Variants in ZMYND12 observed in about 807,000 individuals in gnomAD.
The protein encoded by ZMYND12 is zinc finger MYND domain-containing protein 12.
In ZMYND12, 32 loss-of-function variants were observed where a neutral mutation model predicts 41.7. That is an observed-to-expected ratio of 0.77 (90% CI 0.58 to 1.03). The LOEUF is 1.03. Among genes scored for constraint, ZMYND12 ranks in the 50% least tolerant of loss-of-function variants. The pLI is 0.00. For synonymous variants in ZMYND12, 148 were observed against 164.8 expected, an observed-to-expected ratio of 0.90 and a Z score of 0.78; for missense variants, 424 against 438.5, an observed-to-expected ratio of 0.97 and a Z score of 0.30.
intron 1 of ZMYND12, among the ~76,000 whole-genome samples, chr1:42,451,699 C>T (rs1233541019): frequency 6.6e-6 from 1 of 152,070 alleles, no homozygotes; most frequent in Non-Finnish European, 1.5e-5. Context: ...AAAGAAATGA[C>T]AGAAACCATT....
intron 3 of ZMYND12, among the ~76,000 whole-genome samples, chr1:42,447,065 G>A (rs1021761327): frequency 1.3e-5 from 2 of 152,146 alleles, no homozygotes; most frequent in Non-Finnish European, 2.9e-5. Context: ...ATTCGATGAG[G>A]AATGGGATAT....
intron 1 of ZMYND12, 63 bp from the exon 2 acceptor site, chr1:42,450,122 C>T (rs2148410262): frequency 6.3e-7 from 1 of 1,581,322 alleles, no homozygotes; most frequent in South Asian, 1.1e-5. Context: ...TTCCATTAAC[C>T]CTCCTACTGG....
At position 42,433,138 on chromosome 1, in the gene ZMYND12, C is replaced by T; in HGVS notation, c.975+5G>A. On this transcript the variant is annotated splice_donor_5th_base_variant and intron_variant, in intron 7 of 7. Transcript: ENST00000372565. ...TAGACGTGTTGCTTTTTTAGGGAAA[C>T]TTGCCTTTGAAGAATTCATCATCAG... The T allele has an allele frequency of 1.9e-6, 3 of 1,604,126 alleles. No homozygotes were observed. The highest frequency in any genetic ancestry group is 2.5e-6 in the Non-Finnish European group (3 of 1,177,094).
At chr1:42,450,611 A>G (rs1643073171) in intron 1 of ZMYND12, among the ~76,000 whole-genome samples, 1 of 152,176 alleles carries the variant, frequency 6.6e-6, no homozygotes, top group South Asian at 2.1e-4. Flanking sequence ...AAAGGAGTTT[A>G]TAAATATGTT....
At chr1:42,432,463 G>A (rs57873999) in intron 7 of ZMYND12, among the ~76,000 whole-genome samples, 4,486 of 152,212 alleles carry the variant, frequency 0.029, 180 homozygotes, top group African/African-American at 0.099. Flanking sequence ...GATAGGAAAC[G>A]TATGGATCAC....
At chr1:42,435,434 G>A (rs769292462) in intron 5 of ZMYND12, 49 bp from the exon 6 acceptor site, 83 of 1,424,706 alleles carry the variant, frequency 5.8e-5, no homozygotes, top group Non-Finnish European at 7.8e-5. Context: ...GACCTCAGCC[G>A]TCGGACCAGG....
chr1:42,435,706 A>T (rs1450371768), intron 5 of ZMYND12, among the ~76,000 whole-genome samples: 1 of 152,200 alleles, frequency 6.6e-6, no homozygotes, highest in Non-Finnish European at 1.5e-5. Context: ...TAATATTCTT[A>T]TTATTCCCAT....
At chr1:42,453,458 C>T (rs1350175751) in intron 1 of ZMYND12, among the ~76,000 whole-genome samples, 1 of 152,158 alleles carries the variant, frequency 6.6e-6, no homozygotes, top group Admixed American at 6.5e-5. Flanking sequence ...AGTTAGCATA[C>T]TTGACAGTCC....
In ZMYND12 at chr1:42,448,508, T is replaced by C. The variant is rs368351494; in HGVS notation, c.383A>G (p.Glu128Gly). 1.2e-6 allele frequency: 2 copies of C among 1,610,200 alleles called. No individual in the cohort carries two copies. The highest frequency in any genetic ancestry group is 1.1e-5 in the South Asian group (1 of 90,518). ...RVKLYGLSSV[E>G]LVPAYLLLAE... ...CAACAGCAGGTAAGCAGGCACAAGCTCTACGGAGCTCAGGCCATACAGCTT... is the reference window on the plus strand; with the variant it reads ...CAACAGCAGGTAAGCAGGCACAAGCCCTACGGAGCTCAGGCCATACAGCTT... The change falls in exon 3 of 8, where the codon GAG (glutamate) becomes GGG (glycine). Residue 128 changes from glutamate (E) to glycine (G), a missense_variant. By Grantham distance (98) the Glu-to-Gly change is moderately conservative (BLOSUM62 -2). Transcript: ENST00000372565.
chr1:42,435,327 T>C lies in ZMYND12; in HGVS notation c.776A>G (p.His259Arg). ...NNHYQVLSQA[H>R]IQQMDLLGKL... is the part of the protein sequence containing the mutation. ...GCCCAGTAAATCCATTTGTTGGATG[T>C]GAGCCTGTGAGAGGACTTGATAGTG... The change falls in exon 6 of 8, where the codon CAC becomes CGC. Residue 259 changes from histidine (H) to arginine (R), a missense_variant. Coordinates refer to ENST00000372565, the MANE Select transcript of ZMYND12 (RefSeq NM_032257.5). The C allele has an allele frequency of 6.2e-7, 1 of 1,614,124 alleles. No individual in the cohort carries two copies. The highest frequency in any genetic ancestry group is 8.5e-7 in the Non-Finnish European group (1 of 1,179,974).
At chr1:42,444,003 C>T (rs942400359) in intron 3 of ZMYND12, among the ~76,000 whole-genome samples, 1 of 152,182 alleles carries the variant, frequency 6.6e-6, no homozygotes, top group Non-Finnish European at 1.5e-5. Context: ...GCTGGGACTA[C>T]TATAAGTGCA....
chr1:42,432,347 A>G (rs926607640), intron 7 of ZMYND12, among the ~76,000 whole-genome samples: 2 of 152,060 alleles, frequency 1.3e-5, no homozygotes, highest in African/African-American at 4.8e-5. Flanking sequence ...CAGTCATGAG[A>G]CACTGTGCCT....
At chr1:42,450,342 C>T (rs1314256809) in intron 1 of ZMYND12, among the ~76,000 whole-genome samples, 1 of 152,184 alleles carries the variant, frequency 6.6e-6, no homozygotes, top group Non-Finnish European at 1.5e-5. Flanking sequence ...ATAGTGTTCT[C>T]TTATAATCTC....
chr1:42,435,372 C>T lies in ZMYND12; in HGVS notation c.731G>A (p.Trp244Ter). Residue 244 changes from tryptophan (W) to a stop codon, truncating the protein, a stop_gained, in exon 6 of 8, where the codon TGG (tryptophan) becomes TAG (stop). Transcript: ENST00000372565. LOFTEE classifies it high-confidence loss of function. ...ATAGTGATTGTTCAAATATGCATGC[C>T]AGATCTCAGAGACCTGTTGGGAAAA... ...DTLYTKVSEI[W>*]HAYLNNHYQV... is the part of the protein sequence containing the mutation. 6.2e-7 allele frequency: 1 copy of T among 1,613,112 alleles called. No homozygotes were observed. The highest frequency in any genetic ancestry group is 8.5e-7 in the Non-Finnish European group (1 of 1,179,186).
At chr1:42,437,683 T>A (rs1321928078) in intron 4 of ZMYND12, among the ~76,000 whole-genome samples, 1 of 147,778 alleles carries the variant, frequency 6.8e-6, no homozygotes, top group Admixed American at 6.7e-5. Context: ...TGGCTAATTT[T>A]CATATTTTTT....
At chr1:42,433,021 T>C in intron 7 of ZMYND12, 122 bp downstream of exon 7, 1 of 1,258,906 alleles carries the variant, frequency 7.9e-7, no homozygotes, top group Non-Finnish European at 1.1e-6. Context: ...CTGAACCTCT[T>C]TGGAGTGAGG....
At chr1:42,444,901 G>C (rs1346832179) in intron 3 of ZMYND12, among the ~76,000 whole-genome samples, 1 of 146,144 alleles carries the variant, frequency 6.8e-6, no homozygotes, top group African/African-American at 2.5e-5. Flanking sequence ...TCCGCCCCCC[G>C]GGTTCATGCC....
At chr1:42,433,362 G>C in intron 6 of ZMYND12, 74 bp from the exon 7 acceptor site, 1 of 1,489,036 alleles carries the variant, frequency 6.7e-7, no homozygotes, top group Non-Finnish European at 8.9e-7. Flanking sequence ...GCACTCAGCT[G>C]TTAAAGCGCC....
At position 42,433,079 on chromosome 1, in the gene ZMYND12, T is replaced by A. The variant is rs771829551; in HGVS notation, c.975+64A>T. 5.3e-5 allele frequency: 84 copies of A among 1,594,966 alleles called. 1 individual carries two copies. The highest frequency in any genetic ancestry group is 7.0e-5 in the Non-Finnish European group (82 of 1,173,100). Reference sequence around the variant, plus strand: ...ATTGGAATTGGGCAAAACACAAATTTTGAGTTCAACTAGTTGAATTTCTAC... The same window carrying A: ...ATTGGAATTGGGCAAAACACAAATTATGAGTTCAACTAGTTGAATTTCTAC... On this transcript the variant is annotated intron_variant, in intron 7 of 7. Coordinates refer to ENST00000372565, the MANE Select transcript of ZMYND12 (RefSeq NM_032257.5).
Sources: allele counts gnomAD v4.1 joint callset (sites outside exome capture counted in the v4.1 genomes callset), GRCh38; gene constraint gnomAD v4.1.1; transcripts MANE v1.5; gene names NCBI Gene and HGNC (gene_info 2026-07-23, HGNC 2026-07-21).